Variants in MAGI2 observed in about 807,000 individuals in gnomAD.
The protein encoded by MAGI2 is membrane associated guanylate kinase, WW and PDZ domain containing 2, also known as membrane-associated guanylate kinase, WW and PDZ domain-containing protein 2.
In MAGI2, 35 loss-of-function variants were observed where a neutral mutation model predicts 133.3. The observed-to-expected ratio is 0.26, with a 90% CI of 0.20 to 0.35. MAGI2 has a LOEUF of 0.35. Among genes scored for constraint, MAGI2 ranks in the 10% least tolerant of loss-of-function variants. The pLI is 1.00. For missense variants in MAGI2, 1,636 were observed against 1,863.4 expected (o/e 0.88, Z 2.25); for synonymous variants, 729 against 710.6 (o/e 1.03, Z -0.41).
At chr7:79,122,530 T>C (rs1819996818) in intron 1 of MAGI2, among the ~76,000 whole-genome samples, 1 of 152,242 alleles carries the variant, frequency 6.6e-6, no homozygotes, top group Admixed American at 6.5e-5. Context: ...TTTATCACAT[T>C]ATCTTCTGCA....
At chr7:79,227,817 C>T (rs1255792773) in intron 1 of MAGI2, among the ~76,000 whole-genome samples, 1 of 152,170 alleles carries the variant, frequency 6.6e-6, no homozygotes, top group Admixed American at 6.5e-5. Flanking sequence ...AAACTCAAGA[C>T]TCTACAGGCT....
intron 2 of MAGI2, among the ~76,000 whole-genome samples, chr7:78,864,205 A>C (rs1419043823): frequency 6.6e-6 from 1 of 152,206 alleles, no homozygotes; most frequent in African/African-American, 2.4e-5. Context: ...ATTGCCTGGC[A>C]GGTAATGGGC....
chr7:78,723,901 G>A (rs985726846), intron 2 of MAGI2, among the ~76,000 whole-genome samples: 3 of 152,094 alleles, frequency 2.0e-5, no homozygotes, highest in East Asian at 1.9e-4. Flanking sequence ...AGAACATGAC[G>A]AAGCCACACT....
At chr7:79,223,588 G>A (rs1563013907) in intron 1 of MAGI2, among the ~76,000 whole-genome samples, 1 of 151,976 alleles carries the variant, frequency 6.6e-6, no homozygotes, top group Non-Finnish European at 1.5e-5. Context: ...AACAATTTGG[G>A]AGGCCAAAGT....
At chr7:78,937,290 T>C (rs1199290449) in intron 2 of MAGI2, among the ~76,000 whole-genome samples, 1 of 152,084 alleles carries the variant, frequency 6.6e-6, no homozygotes, top group Non-Finnish European at 1.5e-5. Context: ...TAGTCCATAC[T>C]GACACAAACA....
At chr7:79,088,659 C>T (rs531532466) in intron 1 of MAGI2, among the ~76,000 whole-genome samples, 6 of 152,106 alleles carry the variant, frequency 3.9e-5, no homozygotes, top group African/African-American at 1.4e-4. Flanking sequence ...TCATAAATAG[C>T]TCTTATTATT....
At chr7:78,779,329 A>G (rs1204873200) in intron 2 of MAGI2, among the ~76,000 whole-genome samples, 4 of 152,180 alleles carry the variant, frequency 2.6e-5, no homozygotes, top group Admixed American at 2.6e-4. Flanking sequence ...CATTTGCCTG[A>G]ATGGCTTTCA....
chr7:79,103,662 A>G (rs1053873563), intron 1 of MAGI2, among the ~76,000 whole-genome samples: 3 of 152,040 alleles, frequency 2.0e-5, no homozygotes, highest in African/African-American at 7.2e-5. Flanking sequence ...GACTTTCTAG[A>G]AAGCTGGCAG....
intron 1 of MAGI2, among the ~76,000 whole-genome samples, chr7:79,385,515 G>A (rs1464628389): frequency 6.6e-6 from 1 of 151,824 alleles, no homozygotes; most frequent in Non-Finnish European, 1.5e-5. Flanking sequence ...AATTGTAATA[G>A]TACTCTCTCA....
At chr7:78,281,742 G>GGT (rs1185721044) in intron 9 of MAGI2, among the ~76,000 whole-genome samples, 2 of 152,168 alleles carry the variant, frequency 1.3e-5, no homozygotes, top group Admixed American at 1.3e-4. Flanking sequence ...ATTATCCTGA[G>GGT]GTATTTTCCA....
intron 2 of MAGI2, among the ~76,000 whole-genome samples, chr7:78,853,584 G>A (rs1022027382): frequency 2.6e-5 from 4 of 151,444 alleles, no homozygotes; most frequent in Non-Finnish European, 4.4e-5. Flanking sequence ...TCAAACTCCC[G>A]GACTCAAGCA....
At chr7:79,302,325 C>T (rs944047262) in intron 1 of MAGI2, among the ~76,000 whole-genome samples, 101 of 152,300 alleles carry the variant, frequency 6.6e-4, no homozygotes, top group African/African-American at 2.3e-3. Context: ...GTTCATATTA[C>T]ATTTTATATA....
intron 3 of MAGI2, among the ~76,000 whole-genome samples, chr7:78,551,684 C>T (rs970097827): frequency 1.3e-5 from 2 of 152,154 alleles, no homozygotes; most frequent in Non-Finnish European, 2.9e-5. Flanking sequence ...TTGAATTATA[C>T]GAAAGTTTAA....
chr7:78,192,228 TC>T (rs890264818), intron 12 of MAGI2, among the ~76,000 whole-genome samples: 26 of 151,064 alleles, frequency 1.7e-4, no homozygotes, highest in Non-Finnish European at 2.5e-4. Context: ...CACTGATTTT[TC>T]CCCCCCCAGG....
At chr7:78,951,910 A>T (rs538232135) in intron 2 of MAGI2, among the ~76,000 whole-genome samples, 6 of 152,134 alleles carry the variant, frequency 3.9e-5, no homozygotes, top group Non-Finnish European at 5.9e-5. Flanking sequence ...CTTGTATTCC[A>T]CCAGACTATT....
At chr7:78,858,091 G>A (rs1360063700) in intron 2 of MAGI2, among the ~76,000 whole-genome samples, 1 of 152,068 alleles carries the variant, frequency 6.6e-6, no homozygotes, top group African/African-American at 2.4e-5. Context: ...TTGGATCAGT[G>A]GTGATATCCC....
chr7:79,135,119 G>C (rs907681854), intron 1 of MAGI2, among the ~76,000 whole-genome samples: 2 of 152,138 alleles, frequency 1.3e-5, no homozygotes, highest in African/African-American at 4.8e-5. Context: ...GTATCAGGTG[G>C]TGTGACTATG....
chr7:78,813,466 G>A (rs1410958508), intron 2 of MAGI2, among the ~76,000 whole-genome samples: 1 of 152,136 alleles, frequency 6.6e-6, no homozygotes, highest in African/African-American at 2.4e-5. Context: ...ATATTCAACT[G>A]TACTCAATTT....
chr7:79,200,061 G>A (rs927708968), intron 1 of MAGI2, among the ~76,000 whole-genome samples: 4 of 151,292 alleles, frequency 2.6e-5, no homozygotes, highest in African/African-American at 9.8e-5. Flanking sequence ...TCTTTCATTT[G>A]TGGCTGTCAA....
Sources: allele counts gnomAD v4.1 joint callset (sites outside exome capture counted in the v4.1 genomes callset), GRCh38; gene constraint gnomAD v4.1.1; transcripts MANE v1.5; gene names NCBI Gene and HGNC (gene_info 2026-07-23, HGNC 2026-07-21).